Variants in LRRC49 observed in about 807,000 individuals in gnomAD.
LRRC49 encodes the protein leucine rich repeat containing 49, also known as leucine-rich repeat-containing protein 49.
LRRC49 carries 50 observed loss-of-function variants against 83.3 expected under a neutral mutation model. The ratio of observed to expected loss-of-function variants is 0.60; its 90% CI spans 0.48 to 0.76. The LOEUF (loss-of-function observed/expected upper bound fraction) is 0.76. Ranked by LOEUF, LRRC49 falls within the 30% of genes least tolerant of loss-of-function variation. The pLI, the probability that LRRC49 is intolerant of heterozygous loss-of-function variation, is 0.00. For missense variants in LRRC49, 704 were observed against 809.1 expected (o/e 0.87, Z 1.58); for synonymous variants, 286 against 283.3 (o/e 1.01, Z -0.10).
intron 14 of LRRC49, among the ~76,000 whole-genome samples, chr15:71,032,390 G>T (rs1025383988): frequency 3.9e-5 from 6 of 152,102 alleles, no homozygotes; most frequent in Admixed American, 2.0e-4. Context: ...TGTTGGTCTC[G>T]CTGGGAGCTG....
At chr15:70,935,217 C>T (rs548828563) in intron 7 of LRRC49, among the ~76,000 whole-genome samples, 2 of 152,098 alleles carry the variant, frequency 1.3e-5, no homozygotes, top group African/African-American at 4.8e-5. Flanking sequence ...TGGGAGTGGG[C>T]CTGAGAATGG....
intron 8 of LRRC49, among the ~76,000 whole-genome samples, chr15:70,962,462 C>A (rs1223998432): frequency 1.3e-5 from 2 of 152,084 alleles, no homozygotes; most frequent in Non-Finnish European, 2.9e-5. Context: ...GTACACTTAG[C>A]CCCCAGATCT....
intron 3 of LRRC49, among the ~76,000 whole-genome samples, chr15:70,898,190 A>C (rs926471031): frequency 6.6e-6 from 1 of 152,204 alleles, no homozygotes; most frequent in Non-Finnish European, 1.5e-5. Context: ...CTCTGTATCT[A>C]GCATACAGTG....
chr15:71,024,232 T>G (rs2039086056), intron 14 of LRRC49, among the ~76,000 whole-genome samples: 1 of 152,224 alleles, frequency 6.6e-6, no homozygotes, highest in Admixed American at 6.5e-5. Flanking sequence ...CCCAGTGCAG[T>G]GCACCCCTTC....
In LRRC49 at chr15:70,980,126, T is replaced by C; in HGVS notation, c.947T>C (p.Val316Ala). The C allele has an allele frequency of 6.2e-7, 1 of 1,611,732 alleles. No individual in the cohort carries two copies. Among genetic ancestry groups the C allele is most frequent in the Non-Finnish European group, 8.5e-7 (1 of 1,178,982 alleles). Residue 316 changes from valine to alanine, a missense_variant, in exon 10 of 16, where the codon GTT becomes GCT. This residue lies in a region of LRRC49 where 168 missense variants were observed against 140.6 expected (regional missense o/e 1.20). Coordinates refer to ENST00000260382, the MANE Select transcript of LRRC49 (RefSeq NM_017691.5). ...ITEEERRMAS[V>A]LAKKEEEKKR... ...GAAGAAGAAAGGCGTATGGCATCTG[T>C]TTTAGCCAAAAAAGAGGAAGAGAAG...
At chr15:71,026,073 C>G (rs2039159891) in intron 14 of LRRC49, among the ~76,000 whole-genome samples, 1 of 152,004 alleles carries the variant, frequency 6.6e-6, no homozygotes, top group South Asian at 2.1e-4. Flanking sequence ...CCTTAGCCCC[C>G]CACCCCCTGA....
intron 3 of LRRC49, chr15:70,898,544 G>C: frequency 1.7e-6 from 1 of 594,162 alleles, no homozygotes; most frequent in Non-Finnish European, 3.0e-6. Flanking sequence ...GGAGGCCAAG[G>C]TGGGTGGATT....
chr15:70,972,131 CT>C (rs1411344136), intron 9 of LRRC49, among the ~76,000 whole-genome samples: 3 of 151,956 alleles, frequency 2.0e-5, no homozygotes, highest in Non-Finnish European at 4.4e-5. Context: ...CTGTTTTTTC[CT>C]TTCCATATTT....
chr15:70,936,496 C>T, intron 7 of LRRC49: 1 of 343,410 alleles, frequency 2.9e-6, no homozygotes. Context: ...CAAAAGCATG[C>T]TTAAAGAGGC....
upstream of LRRC49, among the ~76,000 whole-genome samples, chr15:70,890,225 G>A (rs951242807): frequency 6.6e-6 from 1 of 152,108 alleles, no homozygotes; most frequent in Non-Finnish European, 1.5e-5. Context: ...TGTGGCACAT[G>A]TTTAGTATTT....
chr15:70,864,686 A>G (rs1348222971), intron 1 of LRRC49, among the ~76,000 whole-genome samples: 1 of 152,220 alleles, frequency 6.6e-6, no homozygotes, highest in East Asian at 1.9e-4. Flanking sequence ...GATATCACTC[A>G]GGGGAACTTT....
intron 4 of LRRC49, among the ~76,000 whole-genome samples, chr15:70,904,308 T>G (rs1369656402): frequency 6.6e-6 from 1 of 152,088 alleles, no homozygotes; most frequent in African/African-American, 2.4e-5. Flanking sequence ...TATATTCGAG[T>G]TTTTTAAATA....
chr15:70,875,146 A>T (rs532894220), intron 2 of LRRC49, among the ~76,000 whole-genome samples: 3 of 152,208 alleles, frequency 2.0e-5, no homozygotes, highest in Non-Finnish European at 4.4e-5. Context: ...TAAAAGTGTG[A>T]ACCAGACCAT....
intron 14 of LRRC49, among the ~76,000 whole-genome samples, chr15:71,020,407 A>T (rs548020447): frequency 1.3e-5 from 2 of 152,330 alleles, no homozygotes; most frequent in East Asian, 3.9e-4. Flanking sequence ...TAGAGTCAGT[A>T]TTAAAACAGA....
At chr15:71,022,727 T>C (rs1013158111) in intron 14 of LRRC49, among the ~76,000 whole-genome samples, 5 of 152,170 alleles carry the variant, frequency 3.3e-5, no homozygotes, top group African/African-American at 1.2e-4. Flanking sequence ...AATCCACAAT[T>C]ACAATTAGTG....
Position 71,012,896 on chromosome 15 carries a change from C to T in LRRC49, c.1686C>T (p.Ser562=), listed in dbSNP as rs775049527. 2.7e-5 allele frequency: 44 copies of T among 1,609,234 alleles called. 1 individual carries two copies. In the South Asian group the frequency reaches 4.5e-4, roughly 17 times the overall value. The part of the protein sequence containing the change: ...SSELPQYRLI[S]ILGDARKKQF... Reference sequence around the variant, plus strand: ...AGTTACCCCAGTATCGTCTGATTTCCATTCTGGGTGATGCCAGGTAACCTT... The same window carrying T: ...AGTTACCCCAGTATCGTCTGATTTCTATTCTGGGTGATGCCAGGTAACCTT... Residue 562 remains serine (S), a synonymous_variant, in exon 14 of 16, where the codon TCC becomes TCT. Transcript: ENST00000260382.
intron 14 of LRRC49, among the ~76,000 whole-genome samples, chr15:71,028,631 T>C (rs749605012): frequency 2.0e-5 from 3 of 152,180 alleles, no homozygotes; most frequent in Non-Finnish European, 4.4e-5. Flanking sequence ...AAGTTGTTAT[T>C]GGTGTATTCA....
intron 3 of LRRC49, 136 bp from the exon 4 acceptor site, chr15:70,900,786 A>G (rs2034039629): frequency 3.2e-6 from 2 of 619,962 alleles, no homozygotes; most frequent in Non-Finnish European, 5.8e-6. Flanking sequence ...ATTAATTTCA[A>G]ATATGGAGAG....
chr15:70,865,831 C>T (rs2032898049), intron 1 of LRRC49, among the ~76,000 whole-genome samples: 2 of 152,216 alleles, frequency 1.3e-5, no homozygotes, highest in Non-Finnish European at 1.5e-5. Context: ...AATTGGTCAC[C>T]CTAGAGGCAA....
Sources: allele counts gnomAD v4.1 joint callset (sites outside exome capture counted in the v4.1 genomes callset), GRCh38; gene constraint gnomAD v4.1.1; regional missense constraint gnomAD v4.1.1; transcripts MANE v1.5; gene names NCBI Gene and HGNC (gene_info 2026-07-23, HGNC 2026-07-21).